The following RCAN1 variants were observed in gnomAD, a reference collection of about 807,000 sequenced individuals.
The protein encoded by RCAN1 is calcipressin-1.
In RCAN1, 11 loss-of-function variants were observed where a neutral mutation model predicts 22.9. That is an observed-to-expected ratio of 0.48 (90% CI 0.30 to 0.79). The LOEUF (loss-of-function observed/expected upper bound fraction) is 0.79, where lower values mean the gene tolerates loss of function less well. Among genes scored for constraint, RCAN1 ranks in the 30% least tolerant of loss-of-function variants. The probability of loss-of-function intolerance (pLI) is 0.06; values close to 1 mark genes in which losing one functional copy is unlikely to be tolerated. For missense variants in RCAN1, 291 were observed against 337.8 expected, an observed-to-expected ratio of 0.86 and a Z score of 1.09; for synonymous variants, 136 against 142.3, an observed-to-expected ratio of 0.96 and a Z score of 0.32.
chr21:34,533,721 G>A (rs1453853824), intron 1 of RCAN1, among the ~76,000 whole-genome samples: 1 of 152,234 alleles, frequency 6.6e-6, no homozygotes, highest in Non-Finnish European at 1.5e-5. Flanking sequence ...GTGGGCAACA[G>A]AGCAGCGCGG....
At chr21:34,549,380 GTTCATT>G (rs2123641898) in intron 1 of RCAN1, among the ~76,000 whole-genome samples, 1 of 152,224 alleles carries the variant, frequency 6.6e-6, no homozygotes, top group African/African-American at 2.4e-5. Flanking sequence ...TTATAGCAAC[GTTCATT>G]TTCTAACCTG....
At chr21:34,530,663 C>T (rs1227386965) in intron 1 of RCAN1, among the ~76,000 whole-genome samples, 3 of 107,390 alleles carry the variant, frequency 2.8e-5, no homozygotes, top group Non-Finnish European at 5.5e-5. Flanking sequence ...TTGCTCTTGT[C>T]GCCCAGGCCG....
chr21:34,608,312 C>T (rs1466888075), intron 1 of RCAN1, among the ~76,000 whole-genome samples: 1 of 152,178 alleles, frequency 6.6e-6, no homozygotes, highest in Admixed American at 6.5e-5. Context: ...ATCCCCACGT[C>T]CTGGTATTTA....
chr21:34,611,465 C>G (rs565396672), intron 1 of RCAN1, among the ~76,000 whole-genome samples: 70 of 152,280 alleles, frequency 4.6e-4, no homozygotes, highest in Non-Finnish European at 8.2e-4. Context: ...TACAAAACAG[C>G]TTCTGATGTA....
At chr21:34,590,713 C>T (rs530292215) in intron 1 of RCAN1, among the ~76,000 whole-genome samples, 1 of 152,224 alleles carries the variant, frequency 6.6e-6, no homozygotes, top group Non-Finnish European at 1.5e-5. Context: ...AAAGGCTGAT[C>T]TGTCAGATCC....
At chr21:34,584,526 C>G (rs1005736880) in intron 1 of RCAN1, among the ~76,000 whole-genome samples, 1 of 152,118 alleles carries the variant, frequency 6.6e-6, no homozygotes, top group Non-Finnish European at 1.5e-5. Context: ...TCTTACTGAC[C>G]ACTCTTCTTC....
rs571813894 is a variant in RCAN1 at position 34,520,141 on chromosome 21, G to T, written c.586+1358C>A. ...AGGTGAAATATGAAATCTCACTCAA[G>T]CTCACTGTTAAGTGAACCAAGGACA... On this transcript the variant is annotated intron_variant, in intron 3 of 3. Coordinates refer to ENST00000313806, the MANE Select transcript of RCAN1 (RefSeq NM_004414.7). 4.6e-5 allele frequency among the ~76,000 whole-genome samples: 7 copies of T among 152,288 alleles called. No homozygotes were observed. The East Asian group carries it at 1.2e-3, about 25-fold the overall frequency.
chr21:34,563,768 A>ATATATAT (rs56397854), intron 1 of RCAN1, among the ~76,000 whole-genome samples: 13 of 88,332 alleles, frequency 1.5e-4, no homozygotes, highest in East Asian at 6.5e-4. Context: ...AAAAAAAAAA[A>ATATATAT]AAATATATAT....
chr21:34,598,968 G>T (rs56311099), intron 1 of RCAN1, among the ~76,000 whole-genome samples: 8,573 of 152,238 alleles, frequency 0.056, 297 homozygotes, highest in East Asian at 0.14. Context: ...GTCTATCAGA[G>T]ATCCTGGCAA....
At chr21:34,603,258 A>G (rs1175331509) in intron 1 of RCAN1, among the ~76,000 whole-genome samples, 1 of 152,158 alleles carries the variant, frequency 6.6e-6, no homozygotes, top group Non-Finnish European at 1.5e-5. Context: ...ACAGCATTGG[A>G]CAGGCCCTCG....
Position 34,547,156 on chromosome 21 carries a change from G to C in RCAN1, c.253-23446C>G, listed in dbSNP as rs140309123. On this transcript the variant is annotated intron_variant, in intron 1 of 3. Transcript: ENST00000313806. ...AAAATTGAGTAGCTGAGGATTCAGC[G>C]AAGGGTTCGGGTTCCACGTCACCCA... is the stretch of plus-strand genomic sequence containing the variant. Among the ~76,000 whole-genome samples, 652 of 152,272 alleles carry C rather than the reference G, an allele frequency of 4.3e-3. 3 individuals carry two copies. Among genetic ancestry groups the C allele is most frequent in the African/African-American group, 0.015 (625 of 41,548 alleles).
Position 34,614,883 on chromosome 21 carries a change from G to T in RCAN1, c.129C>A (p.Asp43Glu), listed in dbSNP as rs748689069. The change falls in exon 1 of 4, where the codon GAC (aspartate) becomes GAA (glutamate). Residue 43 changes from aspartate (D) to glutamate (E), a missense_variant. Coordinates refer to ENST00000313806, the MANE Select transcript of RCAN1 (RefSeq NM_004414.7). The surrounding 1 kb of genome is among the most constrained non-coding windows in gnomAD (Gnocchi z 6.0). The stretch of plus-strand genomic sequence containing the variant: ...TGAAGCTCCAGTCGCCGCCGCCCTC[G>T]TCCGCCTCGGCCGCCCCCGAGAGGG... ...FAPLSGAAEA[D>E]EGGGDWSFID... The T allele has an allele frequency of 4.1e-6, 6 of 1,448,954 alleles. No individual in the cohort carries two copies. Among genetic ancestry groups the T allele is most frequent in the Non-Finnish European group, 5.5e-6 (6 of 1,096,338 alleles). The allele number at this position is 1,448,954 out of a possible 1,614,324, so 89.8% of individuals were successfully genotyped here.
intron 1 of RCAN1, among the ~76,000 whole-genome samples, chr21:34,590,937 T>C (rs1461392753): frequency 1.3e-5 from 2 of 151,382 alleles, no homozygotes; most frequent in Non-Finnish European, 2.9e-5. Flanking sequence ...CAATATTTTA[T>C]GTCTTCATCT....
intron 1 of RCAN1, among the ~76,000 whole-genome samples, chr21:34,563,891 G>A (rs1986906565): frequency 6.7e-6 from 1 of 150,018 alleles, no homozygotes; most frequent in South Asian, 2.1e-4. Flanking sequence ...ACTTGAACTA[G>A]GGAGGCGGAG....
At chr21:34,530,541 C>T (rs1454136735) in intron 1 of RCAN1, among the ~76,000 whole-genome samples, 1 of 150,370 alleles carries the variant, frequency 6.7e-6, no homozygotes, top group Non-Finnish European at 1.5e-5. Context: ...AGGCAACTTG[C>T]AAAGGCTCTC....
intron 1 of RCAN1, among the ~76,000 whole-genome samples, chr21:34,602,403 C>G (rs1988384337): frequency 6.6e-6 from 1 of 152,206 alleles, no homozygotes; most frequent in African/African-American, 2.4e-5. Context: ...TTGAAAGATA[C>G]ATCTTGAATT....
chr21:34,601,122 CACT>C (rs1275550081), intron 1 of RCAN1, among the ~76,000 whole-genome samples: 2 of 152,176 alleles, frequency 1.3e-5, no homozygotes, highest in Admixed American at 6.5e-5. Context: ...GTTTTACTTC[CACT>C]GATACACAAA....
intron 3 of RCAN1, among the ~76,000 whole-genome samples, chr21:34,519,633 G>A (rs904696382): frequency 3.9e-5 from 6 of 151,962 alleles, no homozygotes; most frequent in East Asian, 1.9e-4. Context: ...TCCTGACCTC[G>A]TGATCCGCCT....
chr21:34,601,011 C>A (rs1433121641), intron 1 of RCAN1, among the ~76,000 whole-genome samples: 2 of 152,136 alleles, frequency 1.3e-5, no homozygotes, highest in African/African-American at 4.8e-5. Flanking sequence ...ACCCCCTGGC[C>A]TGAAAAAATG....
Sources: gnomAD v4.1 joint callset for allele counts (sites outside exome capture counted in the v4.1 genomes callset) on GRCh38, gnomAD v4.1.1 for gene constraint, Gnocchi (gnomAD v3.1) non-coding constraint, MANE v1.5 for transcripts, NCBI Gene and HGNC (gene_info 2026-07-23, HGNC 2026-07-21) for gene names.